Variants in ELOVL6 observed in about 807,000 individuals in gnomAD.
ELOVL6 encodes the protein ELOVL fatty acid elongase 6.
Under a neutral mutation model 31.7 loss-of-function variants are expected in ELOVL6, and 8 were observed. That is an observed-to-expected ratio of 0.25 (90% CI 0.15 to 0.45). The LOEUF is 0.45. Ranked by LOEUF, ELOVL6 falls within the 20% of genes least tolerant of loss-of-function variation. The probability of loss-of-function intolerance (pLI) is 1.00; values close to 1 mark genes in which losing one functional copy is unlikely to be tolerated. For missense variants in ELOVL6, 126 were observed against 326.4 expected (o/e 0.39, Z 4.73); for synonymous variants, 101 against 117.7 (o/e 0.86, Z 0.92).
intron 1 of ELOVL6, among the ~76,000 whole-genome samples, chr4:110,158,632 C>T (rs80279950): frequency 1.2e-4 from 6 of 50,900 alleles, no homozygotes; most frequent in Non-Finnish European, 1.5e-4. Context: ...CATATATACA[C>T]GTGTATATAT....
At chr4:110,132,437 T>C (rs1242214523) in intron 1 of ELOVL6, among the ~76,000 whole-genome samples, 3 of 152,068 alleles carry the variant, frequency 2.0e-5, no homozygotes, top group African/African-American at 7.2e-5. Context: ...CAGAGAGGTC[T>C]TGGCAGCTGA....
At chr4:110,197,039 GT>G (rs1268148451) in intron 1 of ELOVL6, among the ~76,000 whole-genome samples, 4 of 152,238 alleles carry the variant, frequency 2.6e-5, no homozygotes, top group African/African-American at 9.6e-5. Context: ...GCGCGCCGGC[GT>G]TTCTGGTTTC....
At position 110,047,676 on chromosome 4, in the gene ELOVL6, G is replaced by A. The variant is rs77807740; in HGVS notation, c.*3662C>T. Reference sequence around the variant, plus strand: ...AGACCAAGGCGGGTGGATCCCCTGAGGTCAGGAGCTCGAGACCAGCCTGGC... The same window carrying A: ...AGACCAAGGCGGGTGGATCCCCTGAAGTCAGGAGCTCGAGACCAGCCTGGC... On this transcript the variant is annotated 3_prime_UTR_variant, in exon 4 of 4. Transcript: ENST00000302274. The A allele has an allele frequency of 0.031, 4,729 of 152,268 alleles. 165 individuals carry two copies. The highest frequency in any genetic ancestry group is 0.15 in the East Asian group (796 of 5,168). 9.4% of individuals were successfully genotyped at this position (152,268 alleles called of 1,614,324 possible). A position where few individuals can be genotyped will look rare whatever the true frequency, so the allele number is the denominator to read the frequency against.
intron 2 of ELOVL6, among the ~76,000 whole-genome samples, chr4:110,099,233 A>G (rs748219464): frequency 1.3e-5 from 2 of 149,428 alleles, no homozygotes; most frequent in Non-Finnish European, 3.0e-5. Flanking sequence ...TTGATTAAAT[A>G]CCATTCATCT....
intron 2 of ELOVL6, among the ~76,000 whole-genome samples, chr4:110,077,477 AG>A (rs1755678804): frequency 6.6e-6 from 1 of 152,208 alleles, no homozygotes; most frequent in South Asian, 2.1e-4. Context: ...CCAGGCAAAC[AG>A]GGTCTGGAGT....
chr4:110,077,426 G>T (rs202241415), intron 2 of ELOVL6, among the ~76,000 whole-genome samples: 3 of 152,092 alleles, frequency 2.0e-5, no homozygotes, highest in African/African-American at 7.2e-5. Context: ...ATATTTGCTG[G>T]TCACCAATAT....
intron 2 of ELOVL6, among the ~76,000 whole-genome samples, chr4:110,065,444 T>C (rs574221706): frequency 5.4e-4 from 82 of 152,270 alleles, no homozygotes; most frequent in African/African-American, 1.8e-3. Context: ...CTGGGCAATA[T>C]GGTAAAACCC....
intron 1 of ELOVL6, among the ~76,000 whole-genome samples, chr4:110,119,572 C>T (rs868027752): frequency 2.0e-5 from 3 of 152,170 alleles, no homozygotes; most frequent in Non-Finnish European, 4.4e-5. Flanking sequence ...ACTGGTCAGA[C>T]AGTGTCCGGA....
intron 1 of ELOVL6, among the ~76,000 whole-genome samples, chr4:110,191,198 T>G (rs893855013): frequency 6.6e-6 from 1 of 152,144 alleles, no homozygotes; most frequent in Non-Finnish European, 1.5e-5. Flanking sequence ...AGATGCTGGG[T>G]TTTTTTAAAG....
At chr4:110,198,074 ACCC>A (rs10572708) in intron 1 of ELOVL6, 170 bp downstream of exon 1, 194,510 of 427,708 alleles carry the variant, frequency 0.45, 26,661 homozygotes, top group East Asian at 0.52. Context: ...CGCTTCATGT[ACCC>A]CCCCCCCCCC....
intron 1 of ELOVL6, among the ~76,000 whole-genome samples, chr4:110,134,119 G>A (rs766269230): frequency 3.3e-5 from 5 of 152,194 alleles, no homozygotes; most frequent in Non-Finnish European, 7.3e-5. Flanking sequence ...ACATTACAAT[G>A]TTATAGTGTT....
At chr4:110,183,759 T>C (rs62326657) in intron 1 of ELOVL6, among the ~76,000 whole-genome samples, 6,488 of 152,222 alleles carry the variant, frequency 0.043, 197 homozygotes, top group South Asian at 0.11. Context: ...ATCCCAGCAA[T>C]CTGGATTGCT....
At chr4:110,142,311 C>A (rs1051374167) in intron 1 of ELOVL6, among the ~76,000 whole-genome samples, 8 of 151,898 alleles carry the variant, frequency 5.3e-5, no homozygotes, top group Non-Finnish European at 1.2e-4. Flanking sequence ...TCCTAAAGTG[C>A]TGGGATTACA....
intron 2 of ELOVL6, among the ~76,000 whole-genome samples, chr4:110,104,554 C>T (rs1578483487): frequency 6.6e-6 from 1 of 152,136 alleles, no homozygotes; most frequent in East Asian, 1.9e-4. Flanking sequence ...TGATAACATC[C>T]ATTTCTGCTT....
intron 1 of ELOVL6, among the ~76,000 whole-genome samples, chr4:110,131,219 G>A (rs1757659962): frequency 1.3e-5 from 2 of 152,202 alleles, no homozygotes; most frequent in South Asian, 4.1e-4. Flanking sequence ...AGAGAGGTGG[G>A]ACACCTTTCA....
chr4:110,069,131 A>AAT (rs1755390873), intron 2 of ELOVL6, among the ~76,000 whole-genome samples: 1 of 133,698 alleles, frequency 7.5e-6, no homozygotes, highest in African/African-American at 2.9e-5. Context: ...CTCTGTCTCC[A>AAT]AATAATAATA....
At chr4:110,075,676 A>C (rs1383670827) in intron 2 of ELOVL6, among the ~76,000 whole-genome samples, 1 of 152,210 alleles carries the variant, frequency 6.6e-6, no homozygotes, top group Non-Finnish European at 1.5e-5. Context: ...AGTTCTAAAA[A>C]TTGGTTGCAC....
chr4:110,195,044 T>C (rs1214844001), intron 1 of ELOVL6, among the ~76,000 whole-genome samples: 1 of 152,194 alleles, frequency 6.6e-6, no homozygotes, highest in African/African-American at 2.4e-5. Flanking sequence ...TAAGATTTTA[T>C]GGTTTCCTCA....
At chr4:110,138,685 G>A (rs143421724) in intron 1 of ELOVL6, among the ~76,000 whole-genome samples, 1 of 146,996 alleles carries the variant, frequency 6.8e-6, no homozygotes, top group Non-Finnish European at 1.5e-5. Context: ...AGAGTTTGGT[G>A]TATGTAAGGA....
Sources: gnomAD v4.1 joint callset for allele counts (sites outside exome capture counted in the v4.1 genomes callset) on GRCh38, gnomAD v4.1.1 for gene constraint, MANE v1.5 for transcripts, NCBI Gene and HGNC (gene_info 2026-07-23, HGNC 2026-07-21) for gene names.